The following TTLL7 variants were observed in gnomAD, a reference collection of about 807,000 sequenced individuals.
TTLL7 encodes tubulin tyrosine ligase like 7.
Under a neutral mutation model 120.2 loss-of-function variants are expected in TTLL7, and 53 were observed. The observed-to-expected ratio is 0.44, with a 90% CI of 0.35 to 0.55. The LOEUF is 0.55. Ranked by LOEUF, TTLL7 falls within the 20% of genes least tolerant of loss-of-function variation. TTLL7 has a pLI of 0.00. For missense variants in TTLL7, 803 were observed against 1,054.7 expected (o/e 0.76, Z 3.31); for synonymous variants, 353 against 351.7 (o/e 1.00, Z -0.04).
chr1:83,892,257 AAT>A (rs1655567144), intron 18 of TTLL7, among the ~76,000 whole-genome samples: 1 of 137,194 alleles, frequency 7.3e-6, no homozygotes, highest in Admixed American at 7.8e-5. Flanking sequence ...TGTATATATG[AAT>A]ATATATACGA....
chr1:83,996,952 T>C (rs938039881), intron 1 of TTLL7, among the ~76,000 whole-genome samples: 1 of 152,062 alleles, frequency 6.6e-6, no homozygotes, highest in Admixed American at 6.6e-5. Flanking sequence ...ATTAAACAGA[T>C]TGGATTACAA....
rs1331168234 is a variant in TTLL7 at position 83,887,459 on chromosome 1, C to G, written c.2369+2862G>C. Among the ~76,000 whole-genome samples the G allele has an allele frequency of 7.9e-5, 12 of 152,024 alleles. No homozygotes were observed. In the East Asian group the frequency reaches 2.3e-3, roughly 29 times the overall value. On this transcript the variant is annotated intron_variant, in intron 19 of 20. Transcript: ENST00000260505. ...GGGTCCAAACTGAGAATCAAACACA[C>G]ACAGTACTATGTGACTTCACTAAAT...
intron 7 of TTLL7, among the ~76,000 whole-genome samples, chr1:83,942,022 T>C (rs368401168): frequency 6.6e-6 from 1 of 152,182 alleles, no homozygotes; most frequent in Non-Finnish European, 1.5e-5. Context: ...ACATTCAACA[T>C]GTTCACACCC....
intron 1 of TTLL7, among the ~76,000 whole-genome samples, chr1:83,961,762 G>C (rs565326923): frequency 6.6e-6 from 1 of 152,064 alleles, no homozygotes; most frequent in African/African-American, 2.4e-5. Context: ...TCAGTTTTAA[G>C]TAGTTCTCCA....
chr1:83,966,639 T>TTATCTC (rs149842025), intron 1 of TTLL7, among the ~76,000 whole-genome samples: 7,153 of 152,124 alleles, frequency 0.047, 229 homozygotes, highest in Middle Eastern at 0.11. Flanking sequence ...TTTACAGTAT[T>TTATCTC]TAGAATAGAA....
chr1:83,958,309 ATCT>A (rs1649706579), intron 1 of TTLL7, among the ~76,000 whole-genome samples: 1 of 152,226 alleles, frequency 6.6e-6, no homozygotes, highest in African/African-American at 2.4e-5. Context: ...TCTCAAGATA[ATCT>A]TCTCCAGATC....
chr1:83,984,476 T>C (rs1421935263), intron 1 of TTLL7, among the ~76,000 whole-genome samples: 4 of 152,230 alleles, frequency 2.6e-5, no homozygotes, highest in Non-Finnish European at 5.9e-5. Flanking sequence ...ACTTGTATAA[T>C]ATGTTCACTG....
chr1:83,958,350 C>T (rs10874424), intron 1 of TTLL7, among the ~76,000 whole-genome samples: 72,275 of 152,000 alleles, frequency 0.48, 18,297 homozygotes, highest in Non-Finnish European at 0.57. Flanking sequence ...GGATGAAAGA[C>T]ATTTCTACTA....
At chr1:83,919,259 AGT>A (rs111745254) in intron 13 of TTLL7, among the ~76,000 whole-genome samples, 30,997 of 146,720 alleles carry the variant, frequency 0.21, 3,153 homozygotes, top group Admixed American at 0.27. Flanking sequence ...TACAGATTAG[AGT>A]GTGTGTGTGT....
chr1:83,910,117 C>G (rs191425848), intron 15 of TTLL7, among the ~76,000 whole-genome samples: 3 of 152,272 alleles, frequency 2.0e-5, no homozygotes, highest in Non-Finnish European at 4.4e-5. Context: ...TAGCACATTT[C>G]TTTAGAGAAT....
chr1:83,990,506 T>C (rs556482359), intron 1 of TTLL7, among the ~76,000 whole-genome samples: 3 of 152,350 alleles, frequency 2.0e-5, no homozygotes, highest in South Asian at 2.1e-4. Flanking sequence ...TCTTGCCTGA[T>C]TGCTCTGGCT....
Position 83,890,373 on chromosome 1 carries a change from G to T in TTLL7, c.2317C>A (p.Arg773Ser), listed in dbSNP as rs1191689608. 1.9e-6 allele frequency: 3 copies of T among 1,613,322 alleles called. 1 individual carries two copies. The East Asian group carries it at 6.7e-5, about 36-fold the overall frequency. The change falls in exon 19 of 21, where the codon CGC becomes AGC. Residue 773 changes from arginine (R) to serine (S), a missense_variant. Arg to Ser is a moderately radical substitution (Grantham distance 110). This residue lies in a region of TTLL7 where 388 missense variants were observed against 450.4 expected (regional missense o/e 0.86). Transcript: ENST00000260505. Reference sequence around the variant, plus strand: ...CCTTGGCCACGACTCCAGAGTAAGCGATTAAAAACCCGGTTGAAAATCCGA... The same window carrying T: ...CCTTGGCCACGACTCCAGAGTAAGCTATTAAAAACCCGGTTGAAAATCCGA... ...LYRIFNRVFN[R>S]LLWSRGQGLW...
intron 8 of TTLL7, among the ~76,000 whole-genome samples, chr1:83,936,551 T>C (rs979105044): frequency 6.6e-6 from 1 of 152,194 alleles, no homozygotes; most frequent in African/African-American, 2.4e-5. Flanking sequence ...GTTTTTGGAA[T>C]GTCCACAAAA....
chr1:83,933,806 T>A, intron 8 of TTLL7, 40 bp from the exon 9 acceptor site: 1 of 1,579,982 alleles, frequency 6.3e-7, no homozygotes, highest in Non-Finnish European at 8.6e-7. Flanking sequence ...TGCCTTTGTA[T>A]CTCATTTCAT....
chr1:83,938,979 C>G lies in TTLL7; in HGVS notation c.724-963G>C, dbSNP rs1167027847. On this transcript the variant is annotated intron_variant, in intron 7 of 20. Transcript: ENST00000260505. ...GCCTATGGTATTGAAATTTTTGAAG[C>G]AAGAAGGCAGAAATGATAATTTGAG... Among the ~76,000 whole-genome samples the G allele has an allele frequency of 2.0e-5, 3 of 151,974 alleles. No homozygotes were observed. In the East Asian group the frequency reaches 5.8e-4, roughly 29 times the overall value.
chr1:83,920,263 G>C (rs768906405), intron 12 of TTLL7, among the ~76,000 whole-genome samples: 1 of 152,118 alleles, frequency 6.6e-6, no homozygotes, highest in Non-Finnish European at 1.5e-5. Context: ...GGAAATGGTT[G>C]GGGAAGAATG....
chr1:83,964,610 C>T (rs1490604815), intron 1 of TTLL7, among the ~76,000 whole-genome samples: 2 of 152,116 alleles, frequency 1.3e-5, no homozygotes, highest in Admixed American at 6.6e-5. Flanking sequence ...CTGGCTTCAA[C>T]GTATACATTT....
chr1:83,973,621 T>C (rs531849548), intron 1 of TTLL7, among the ~76,000 whole-genome samples: 1 of 152,040 alleles, frequency 6.6e-6, no homozygotes, highest in African/African-American at 2.4e-5. Context: ...TGCTGAAATT[T>C]TGGGAATGCA....
intron 1 of TTLL7, among the ~76,000 whole-genome samples, chr1:83,962,227 T>A (rs1650075870): frequency 6.6e-6 from 1 of 152,148 alleles, no homozygotes; most frequent in Non-Finnish European, 1.5e-5. Flanking sequence ...CTTAACTCTT[T>A]AACTTTCCCT....
Sources: gnomAD v4.1 joint callset for allele counts (sites outside exome capture counted in the v4.1 genomes callset) on GRCh38, gnomAD v4.1.1 for gene constraint, gnomAD v4.1.1 regional missense constraint, MANE v1.5 for transcripts, NCBI Gene and HGNC (gene_info 2026-07-23, HGNC 2026-07-21) for gene names.